TMBIM4: variants seen among roughly 807,000 people sequenced by gnomAD.
TMBIM4 encodes transmembrane BAX inhibitor motif containing 4, also known as protein lifeguard 4.
A neutral mutation model predicts 27.7 loss-of-function variants in TMBIM4; 28 were observed. The observed-to-expected ratio is 1.01, with a 90% CI of 0.75 to 1.38. The LOEUF is 1.38. Among genes scored for constraint, TMBIM4 ranks in the 40% most tolerant of loss-of-function variants. TMBIM4 has a pLI of 0.00. For missense variants in TMBIM4, 265 were observed against 277.5 expected (o/e 0.95, Z 0.32); for synonymous variants, 115 against 113.1 (o/e 1.02, Z -0.11).
At position 66,137,638 on chromosome 12, in the gene TMBIM4, C is replaced by T; in HGVS notation, c.*322G>A. On this transcript the variant is annotated 3_prime_UTR_variant, in exon 7 of 7. Coordinates refer to ENST00000358230, the MANE Select transcript of TMBIM4 (RefSeq NM_016056.4). ...CTCAACCTCTTGACCTCGTGATCCA[C>T]CTGCCTCGGTCTCCCAAAGTGGTGG... The T allele has an allele frequency of 3.7e-6, 1 of 267,702 alleles. No individual in the cohort carries two copies. Among genetic ancestry groups the T allele is most frequent in the African/African-American group, 2.3e-5 (1 of 43,356 alleles). 16.6% of individuals were successfully genotyped at this position (267,702 alleles called of 1,614,324 possible).
chr12:66,155,879 T>C (rs2051927858), intron 1 of TMBIM4, among the ~76,000 whole-genome samples: 1 of 152,196 alleles, frequency 6.6e-6, no homozygotes, highest in African/African-American at 2.4e-5. Context: ...CCCTGGGCAG[T>C]AGTACTAAGG....
intron 1 of TMBIM4, among the ~76,000 whole-genome samples, chr12:66,159,990 A>G (rs1234210401): frequency 6.6e-6 from 1 of 152,276 alleles, no homozygotes; most frequent in Non-Finnish European, 1.5e-5. Context: ...CACAAGAGTC[A>G]GCAAAGTATG....
intron 1 of TMBIM4, among the ~76,000 whole-genome samples, chr12:66,158,144 T>C (rs2051969657): frequency 6.8e-6 from 1 of 146,516 alleles, no homozygotes; most frequent in African/African-American, 2.5e-5. Flanking sequence ...GAGAATGGCA[T>C]GAACCCGGGA....
At chr12:66,155,582 T>C (rs957323867) in intron 1 of TMBIM4, among the ~76,000 whole-genome samples, 1 of 152,164 alleles carries the variant, frequency 6.6e-6, no homozygotes, top group African/African-American at 2.4e-5. Flanking sequence ...TCCACCCACC[T>C]TGGCCTCCCA....
chr12:66,139,825 CA>C (rs1395382409), intron 5 of TMBIM4: 1 of 453,746 alleles, frequency 2.2e-6, no homozygotes, highest in Admixed American at 2.4e-5. Context: ...TCAGAGTTCA[CA>C]CAGGACTGGG....
At chr12:66,162,802 T>G (rs2052064578) in intron 1 of TMBIM4, among the ~76,000 whole-genome samples, 1 of 152,178 alleles carries the variant, frequency 6.6e-6, no homozygotes, top group Non-Finnish European at 1.5e-5. Flanking sequence ...AATTTACAGC[T>G]TTGTCTCTTT....
intron 5 of TMBIM4, 95 bp downstream of exon 5, chr12:66,145,746 C>T: frequency 1.4e-6 from 1 of 693,126 alleles, no homozygotes; most frequent in Non-Finnish European, 2.5e-6. Context: ...TTTTAAAAGA[C>T]AGTACCCAAA....
chr12:66,140,326 C>A (rs1487845365), intron 5 of TMBIM4, among the ~76,000 whole-genome samples: 1 of 151,774 alleles, frequency 6.6e-6, no homozygotes, highest in Non-Finnish European at 1.5e-5. Context: ...TTGAACTGAA[C>A]TTTAATTGAT....
At chr12:66,139,005 T>C (rs573115932) in intron 5 of TMBIM4, 3 of 399,798 alleles carry the variant, frequency 7.5e-6, no homozygotes, top group Non-Finnish European at 1.2e-5. Flanking sequence ...CAAACCTAGT[T>C]AACAGTATAA....
chr12:66,138,337 G>C (rs1391779082), intron 6 of TMBIM4, 171 bp from the exon 7 acceptor site: 1 of 962,970 alleles, frequency 1.0e-6, no homozygotes, highest in Admixed American at 6.1e-5. Flanking sequence ...ACTTGCCTCT[G>C]TTGGATGGAA....
intron 3 of TMBIM4, among the ~76,000 whole-genome samples, 184 bp downstream of exon 3, chr12:66,152,087 T>G (rs1299270012): frequency 6.6e-6 from 1 of 152,100 alleles, no homozygotes; most frequent in African/African-American, 2.4e-5. Context: ...CACTACATAC[T>G]AATATTTGAA....
intron 1 of TMBIM4, among the ~76,000 whole-genome samples, chr12:66,159,321 G>C (rs35131575): frequency 0.073 from 11,118 of 152,228 alleles, 840 homozygotes; most frequent in East Asian, 0.44. Context: ...TGAGGACACT[G>C]AAGCAGCCCT....
intron 1 of TMBIM4, 103 bp downstream of exon 1, chr12:66,169,752 G>A: frequency 1.1e-6 from 1 of 901,362 alleles, no homozygotes; most frequent in Non-Finnish European, 1.6e-6. Flanking sequence ...CTCCCTGTGA[G>A]TCCCAGGAGA....
chr12:66,149,320 G>A (rs1365023714), intron 3 of TMBIM4, among the ~76,000 whole-genome samples: 4 of 151,712 alleles, frequency 2.6e-5, no homozygotes, highest in Non-Finnish European at 5.9e-5. Context: ...ACATGCGCCT[G>A]TAGTCCCAGC....
chr12:66,152,811 G>C (rs2051869862), intron 2 of TMBIM4, among the ~76,000 whole-genome samples: 1 of 151,982 alleles, frequency 6.6e-6, no homozygotes, highest in Non-Finnish European at 1.5e-5. Flanking sequence ...GGGAAGGGAG[G>C]ACAGAAATTC....
chr12:66,155,360 G>GAGAGAGAGA (rs59460611), intron 1 of TMBIM4, among the ~76,000 whole-genome samples: 6 of 150,022 alleles, frequency 4.0e-5, no homozygotes, highest in South Asian at 4.2e-4. Context: ...GAGAGAGAGA[G>GAGAGAGAGA]GCAGGGTCTC....
At chr12:66,168,230 A>C (rs2052166668) in intron 1 of TMBIM4, among the ~76,000 whole-genome samples, 1 of 152,112 alleles carries the variant, frequency 6.6e-6, no homozygotes, top group South Asian at 2.1e-4. Context: ...CAAAAAAAAA[A>C]AAAAAGGAAA....
intron 5 of TMBIM4, among the ~76,000 whole-genome samples, chr12:66,144,033 A>G (rs1051758865): frequency 6.6e-6 from 1 of 152,170 alleles, no homozygotes; most frequent in African/African-American, 2.4e-5. Context: ...GATTCAGTGG[A>G]GAACTGGGCT....
chr12:66,148,009 T>C, intron 3 of TMBIM4, 68 bp from the exon 4 acceptor site: 2 of 1,448,296 alleles, frequency 1.4e-6, no homozygotes, highest in Middle Eastern at 1.8e-4. Flanking sequence ...TTCTAATTTC[T>C]AGCAGCTTAA....
Sources: allele counts gnomAD v4.1 joint callset (sites outside exome capture counted in the v4.1 genomes callset), GRCh38; gene constraint gnomAD v4.1.1; transcripts MANE v1.5; gene names NCBI Gene and HGNC (gene_info 2026-07-23, HGNC 2026-07-21).